The following OR4C13 variants were observed in gnomAD, a reference collection of about 807,000 sequenced individuals.
OR4C13 encodes olfactory receptor 4C13.
In OR4C13, 23 loss-of-function variants were observed where a neutral mutation model predicts 14.7. The ratio of observed to expected loss-of-function variants is 1.57; its 90% CI spans 1.13 to 2.22. The LOEUF is 2.22. Among genes scored for constraint, OR4C13 ranks in the 30% most tolerant of loss-of-function variants. The pLI, the probability that OR4C13 is intolerant of heterozygous loss-of-function variation, is 0.00. For missense variants in OR4C13, 504 were observed against 368.6 expected, an observed-to-expected ratio of 1.37 and a Z score of -3.01; for synonymous variants, 178 against 135.5, an observed-to-expected ratio of 1.31 and a Z score of -2.18.
In OR4C13 at chr11:49,953,259, G is replaced by A; in HGVS notation, c.837G>A (p.Met279Ile). ...VAVFYTMITSMLNPLIYTLRN... is the reference protein window; with the variant it reads ...VAVFYTMITSILNPLIYTLRN... ...TATTCTACACTATGATAACTTCTAT[G>A]TTAAACCCCTTAATCTACACCTTGA... Residue 279 changes from methionine to isoleucine, a missense_variant, in exon 1 of 1, where the codon ATG becomes ATA. Transcript: ENST00000555099. 2 of 1,612,080 alleles carry A rather than the reference G, an allele frequency of 1.2e-6. No homozygotes were observed. Among genetic ancestry groups the A allele is most frequent in the Non-Finnish European group, 1.7e-6 (2 of 1,179,354 alleles).
In OR4C13 at chr11:49,952,447, G is replaced by C. The variant is rs1361820961; in HGVS notation, c.25G>C (p.Glu9Gln). 6.2e-7 allele frequency: 1 copy of C among 1,610,838 alleles called. No individual in the cohort carries two copies. The highest frequency in any genetic ancestry group is 8.5e-7 in the Non-Finnish European group (1 of 1,177,270). The change falls in exon 1 of 1, where the codon GAG becomes CAG. Residue 9 changes from glutamate to glutamine, a missense_variant. Physicochemically the swap from Glu to Gln is conservative, Grantham distance 29. Coordinates refer to ENST00000555099, the MANE Select transcript of OR4C13 (RefSeq NM_001001955.2). ...CATGGCGAATAGAAACAATGTGACA[G>C]AGTTTATTCTATTGGGGCTTACAGA... The part of the protein sequence containing the change: MANRNNVT[E>Q]FILLGLTENP...
chr11:49,952,692 C>A lies in OR4C13; in HGVS notation c.270C>A (p.Ile90=). 1 of 1,614,012 alleles carries A rather than the reference C, an allele frequency of 6.2e-7. No homozygotes were observed. The highest frequency in any genetic ancestry group is 8.5e-7 in the Non-Finnish European group (1 of 1,179,926). ...ATTCACTCTATGAAAACAAGACTAT[C>A]TTATTCAATGGATGTATGACTCAAG... is the stretch of plus-strand genomic sequence containing the variant. ...ITDSLYENKT[I]LFNGCMTQVF... is the part of the protein sequence containing the mutation. The change falls in exon 1 of 1, where the codon ATC becomes ATA. Residue 90 remains isoleucine (I), a synonymous_variant. Transcript: ENST00000555099.
In OR4C13 at chr11:49,953,178, C is replaced by T. The variant is rs782410077; in HGVS notation, c.756C>T (p.Cys252=). 8 of 1,613,526 alleles carry T rather than the reference C, an allele frequency of 5.0e-6. No homozygotes were observed. In the East Asian group the frequency reaches 8.9e-5, roughly 18 times the overall value. ...ITVVILSFIP[C]IFVYMRPPAT... ...TTGTCATCTTATCCTTTATACCCTG[C>T]ATATTTGTGTACATGAGACCTCCAG... Residue 252 remains cysteine (C), a synonymous_variant, in exon 1 of 1, where the codon TGC becomes TGT. Transcript: ENST00000555099.
rs1174074199 is a variant in OR4C13, at chr11:49,953,059, C to A, written c.637C>A (p.Leu213Met). 6.2e-7 allele frequency: 1 copy of A among 1,613,790 alleles called. No homozygotes were observed. The highest frequency in any genetic ancestry group is 8.5e-7 in the Non-Finnish European group (1 of 1,179,852). ...FICLLNCLLL[L>M]VSCVVILYSL... ...ATGCCTGTTAAACTGTCTCTTGCTC[C>A]TGGTCTCCTGCGTGGTCATACTGTA... The change falls in exon 1 of 1, where the codon CTG becomes ATG. Residue 213 changes from leucine to methionine, a missense_variant. Coordinates refer to ENST00000555099, the MANE Select transcript of OR4C13 (RefSeq NM_001001955.2).
rs782036901 is a variant in OR4C13 at position 49,953,315 on chromosome 11, A to C, written c.893A>C (p.Lys298Thr). Residue 298 changes from lysine (K) to threonine (T), a missense_variant, in exon 1 of 1, where the codon AAA becomes ACA. By Grantham distance (78) the Lys-to-Thr change is moderately conservative. Transcript: ENST00000555099. ...GCTCAAATGAAAAATGCCATTAGGA[A>C]ATTGTGTAGTAGGAAAGCTATTTCA... is the stretch of plus-strand genomic sequence containing the variant. ...RNAQMKNAIR[K>T]LCSRKAISSV... 1.9e-6 allele frequency: 3 copies of C among 1,598,182 alleles called. No homozygotes were observed. The highest frequency in any genetic ancestry group is 1.7e-5 in the Admixed American group (1 of 59,198).
rs782088918 is a variant in OR4C13, at chr11:49,952,742, G to A, written c.320G>A (p.Gly107Asp). 3.1e-6 allele frequency: 5 copies of A among 1,614,042 alleles called. No homozygotes were observed. Among genetic ancestry groups the A allele is most frequent in the Non-Finnish European group, 3.4e-6 (4 of 1,179,948 alleles). Residue 107 changes from glycine (G) to aspartate (D), a missense_variant, in exon 1 of 1, where the codon GGT (glycine) becomes GAT (aspartate). By Grantham distance (94) the Gly-to-Asp change is moderately conservative. Transcript: ENST00000555099. ...TQVFGEHFFR[G>D]VEVILLTVMA... ...GTCTTTGGAGAACATTTTTTCAGAG[G>A]TGTTGAGGTCATCCTACTTACTGTA...
At position 49,952,968 on chromosome 11, in the gene OR4C13, GATCA is replaced by G. The variant is rs782793729; in HGVS notation, c.550_553del (p.Asn184LeufsTer9). On this transcript the variant is annotated frameshift_variant, in exon 1 of 1. Transcript: ENST00000555099. LOFTEE classifies it high-confidence loss of function. Reference sequence around the variant, plus strand: ...ACTTTATGTGTGATCTCTACACTTTGATCAATCTTGCCTGCACTAATACCCACAC... The same window carrying G: ...ACTTTATGTGTGATCTCTACACTTTGATCTTGCCTGCACTAATACCCACAC... The G allele has an allele frequency of 4.3e-6, 7 of 1,613,700 alleles. No homozygotes were observed. The East Asian group carries it at 1.6e-4, about 36-fold the overall frequency.
Position 49,952,589 on chromosome 11 carries a change from C to T in OR4C13, c.167C>T (p.Pro56Leu). 6.2e-7 allele frequency: 1 copy of T among 1,613,888 alleles called. No individual in the cohort carries two copies. Among genetic ancestry groups the T allele is most frequent in the South Asian group, 1.1e-5 (1 of 91,076 alleles). ...TITASPSLRS[P>L]MYFFLAYLSF... is the part of the protein sequence containing the mutation. ...ACTGCCAGCCCATCACTGAGATCCC[C>T]CATGTACTTTTTCCTGGCCTATCTC... The change falls in exon 1 of 1, where the codon CCC becomes CTC. Residue 56 changes from proline (P) to leucine (L), a missense_variant. Physicochemically the swap from Pro to Leu is moderately conservative, Grantham distance 98. Coordinates refer to ENST00000555099, the MANE Select transcript of OR4C13 (RefSeq NM_001001955.2).
chr11:49,953,081 T>G lies in OR4C13; in HGVS notation c.659T>G (p.Leu220Arg). The change falls in exon 1 of 1, where the codon CTG becomes CGG. Residue 220 changes from leucine to arginine, a missense_variant. Leu to Arg is a moderately radical substitution (Grantham distance 102). Coordinates refer to ENST00000555099, the MANE Select transcript of OR4C13 (RefSeq NM_001001955.2). ...CTCCTGGTCTCCTGCGTGGTCATAC[T>G]GTACTCCTTAAAGACCCACAGCTTA... ...LLLLVSCVVI[L>R]YSLKTHSLEA... 1 of 1,613,924 alleles carries G rather than the reference T, an allele frequency of 6.2e-7. No individual in the cohort carries two copies. The highest frequency in any genetic ancestry group is 8.5e-7 in the Non-Finnish European group (1 of 1,179,866).
At position 49,953,145 on chromosome 11, in the gene OR4C13, C is replaced by T. The variant is rs1555015888; in HGVS notation, c.723C>T (p.His241=). ...AAGCCCTCTCTACCTGTGTCTCCCA[C>T]ATCACAGTTGTCATCTTATCCTTTA... ...RHEALSTCVS[H]ITVVILSFIP... The change falls in exon 1 of 1, where the codon CAC becomes CAT. Residue 241 remains histidine, a synonymous_variant. Coordinates refer to ENST00000555099, the MANE Select transcript of OR4C13 (RefSeq NM_001001955.2). 6.2e-7 allele frequency: 1 copy of T among 1,613,690 alleles called. No homozygotes were observed. Among genetic ancestry groups the T allele is most frequent in the Non-Finnish European group, 8.5e-7 (1 of 1,179,620 alleles).
Position 49,952,802 on chromosome 11 carries a change from C to T in OR4C13, c.380C>T (p.Pro127Leu). ...AYDHYVAICK[P>L]LHYTTVMKQH... The stretch of plus-strand genomic sequence containing the variant: ...GACCACTATGTGGCCATCTGCAAGC[C>T]CTTGCACTATACCACCGTCATGAAG... Residue 127 changes from proline to leucine, a missense_variant, in exon 1 of 1, where the codon CCC becomes CTC. Physicochemically the swap from Pro to Leu is moderately conservative, Grantham distance 98. Coordinates refer to ENST00000555099, the MANE Select transcript of OR4C13 (RefSeq NM_001001955.2). 3.1e-6 allele frequency: 5 copies of T among 1,613,972 alleles called. No homozygotes were observed. Among genetic ancestry groups the T allele is most frequent in the East Asian group, 2.2e-5 (1 of 44,872 alleles).
rs1853670351 is a variant in OR4C13 at position 49,953,286 on chromosome 11, G to A, written c.864G>A (p.Arg288=). 1.1e-5 allele frequency: 18 copies of A among 1,609,758 alleles called. No homozygotes were observed. Among genetic ancestry groups the A allele is most frequent in the Non-Finnish European group, 1.5e-5 (18 of 1,178,868 alleles). Residue 288 remains arginine (R), a synonymous_variant, in exon 1 of 1, where the codon AGG becomes AGA. Transcript: ENST00000555099. Reference sequence around the variant, plus strand: ...TAAACCCCTTAATCTACACCTTGAGGAATGCTCAAATGAAAAATGCCATTA... The same window carrying A: ...TAAACCCCTTAATCTACACCTTGAGAAATGCTCAAATGAAAAATGCCATTA... ...SMLNPLIYTL[R]NAQMKNAIRK...
Position 49,952,603 on chromosome 11 carries a change from C to A in OR4C13, c.181C>A (p.Leu61Met), listed in dbSNP as rs782064196. Reference protein sequence around the residue: ...PSLRSPMYFFLAYLSFIDACY... With the variant: ...PSLRSPMYFFMAYLSFIDACY... Reference sequence around the variant, plus strand: ...ACTGAGATCCCCCATGTACTTTTTCCTGGCCTATCTCTCCTTTATTGATGC... The same window carrying A: ...ACTGAGATCCCCCATGTACTTTTTCATGGCCTATCTCTCCTTTATTGATGC... The change falls in exon 1 of 1, where the codon CTG becomes ATG. Residue 61 changes from leucine (L) to methionine (M), a missense_variant. By Grantham distance (15) the Leu-to-Met change is conservative. Transcript: ENST00000555099. 55 of 1,613,770 alleles carry A rather than the reference C, an allele frequency of 3.4e-5. 2 individuals are homozygous for A. In the South Asian group the frequency reaches 5.7e-4, roughly 17 times the overall value.
Position 49,952,718 on chromosome 11 carries a change from T to C in OR4C13, c.296T>C (p.Val99Ala). The C allele has an allele frequency of 2.5e-6, 4 of 1,614,084 alleles. No individual in the cohort carries two copies. Among genetic ancestry groups the C allele is most frequent in the East Asian group, 2.2e-5 (1 of 44,872 alleles). The change falls in exon 1 of 1, where the codon GTC becomes GCC. Residue 99 changes from valine (V) to alanine (A), a missense_variant. By Grantham distance (64) the Val-to-Ala change is moderately conservative. Coordinates refer to ENST00000555099, the MANE Select transcript of OR4C13 (RefSeq NM_001001955.2). The part of the protein sequence containing the change: ...TILFNGCMTQ[V>A]FGEHFFRGVE... Reference sequence around the variant, plus strand: ...TTATTCAATGGATGTATGACTCAAGTCTTTGGAGAACATTTTTTCAGAGGT... The same window carrying C: ...TTATTCAATGGATGTATGACTCAAGCCTTTGGAGAACATTTTTTCAGAGGT...
rs2120163058 is a variant in OR4C13, at chr11:49,952,644, C to A, written c.222C>A (p.Val74=). The change falls in exon 1 of 1, where the codon GTC becomes GTA. Residue 74 remains valine (V), a synonymous_variant. Coordinates refer to ENST00000555099, the MANE Select transcript of OR4C13 (RefSeq NM_001001955.2). The part of the protein sequence containing the change: ...LSFIDACYSS[V]NTPKLITDSL... ...TTATTGATGCCTGCTATTCCTCTGT[C>A]AATACCCCTAAGCTGATCACAGATT... is the stretch of plus-strand genomic sequence containing the variant. The A allele has an allele frequency of 2.5e-6, 4 of 1,613,654 alleles. No individual in the cohort carries two copies. In the East Asian group the frequency reaches 8.9e-5, roughly 36 times the overall value.
Position 49,953,197 on chromosome 11 carries a change from C to A in OR4C13, c.775C>A (p.Pro259Thr). ...FIPCIFVYMR[P>T]PATLPIDKAV... ...ACCCTGCATATTTGTGTACATGAGA[C>A]CTCCAGCTACTTTACCCATTGATAA... Residue 259 changes from proline to threonine, a missense_variant, in exon 1 of 1, where the codon CCT becomes ACT. By Grantham distance (38) the Pro-to-Thr change is conservative. Coordinates refer to ENST00000555099, the MANE Select transcript of OR4C13 (RefSeq NM_001001955.2). 1.2e-6 allele frequency: 2 copies of A among 1,613,422 alleles called. No homozygotes were observed. The highest frequency in any genetic ancestry group is 2.2e-5 in the South Asian group (2 of 91,056).
At position 49,952,511 on chromosome 11, in the gene OR4C13, C is replaced by T. The variant is rs782514615; in HGVS notation, c.89C>T (p.Ser30Phe). ...CAGAAAATCATATTTGTTGTGTTTTCTGTCATCTACATCAACGCCATGATA... is the reference window on the plus strand; with the variant it reads ...CAGAAAATCATATTTGTTGTGTTTTTTGTCATCTACATCAACGCCATGATA... ...KMQKIIFVVF[S>F]VIYINAMIGN... Residue 30 changes from serine to phenylalanine, a missense_variant, in exon 1 of 1, where the codon TCT (serine) becomes TTT (phenylalanine). Coordinates refer to ENST00000555099, the MANE Select transcript of OR4C13 (RefSeq NM_001001955.2). The T allele has an allele frequency of 6.2e-7, 1 of 1,613,424 alleles. No individual in the cohort carries two copies. Among genetic ancestry groups the T allele is most frequent in the South Asian group, 1.1e-5 (1 of 91,068 alleles).
In OR4C13 at chr11:49,952,581, G is replaced by A; in HGVS notation, c.159G>A (p.Leu53=). The A allele has an allele frequency of 1.2e-6, 2 of 1,613,846 alleles. No individual in the cohort carries two copies. Among genetic ancestry groups the A allele is most frequent in the East Asian group, 4.5e-5 (2 of 44,866 alleles). The change falls in exon 1 of 1, where the codon CTG becomes CTA. Residue 53 remains leucine, a synonymous_variant. Transcript: ENST00000555099. ...TCACCATCACTGCCAGCCCATCACT[G>A]AGATCCCCCATGTACTTTTTCCTGG... is the stretch of plus-strand genomic sequence containing the variant. ...IVVTITASPS[L]RSPMYFFLAY... is the part of the protein sequence containing the mutation.
chr11:49,952,817 C>G lies in OR4C13; in HGVS notation c.395C>G (p.Thr132Ser), dbSNP rs1443404619. ...ATCTGCAAGCCCTTGCACTATACCACCGTCATGAAGCAGCATGTTTGTAGC... is the reference window on the plus strand; with the variant it reads ...ATCTGCAAGCCCTTGCACTATACCAGCGTCATGAAGCAGCATGTTTGTAGC... ...VAICKPLHYT[T>S]VMKQHVCSLL... Residue 132 changes from threonine to serine, a missense_variant, in exon 1 of 1, where the codon ACC (threonine) becomes AGC (serine). By Grantham distance (58) the Thr-to-Ser change is moderately conservative. Transcript: ENST00000555099. 5.0e-6 allele frequency: 8 copies of G among 1,614,068 alleles called. No homozygotes were observed. The highest frequency in any genetic ancestry group is 1.6e-4 in the Middle Eastern group (1 of 6,062).
Sources: gnomAD v4.1 joint callset for allele counts on GRCh38, gnomAD v4.1.1 for gene constraint, MANE v1.5 for transcripts, NCBI Gene and HGNC (gene_info 2026-07-23, HGNC 2026-07-21) for gene names.